Variants in PNPLA7 observed in about 807,000 individuals in gnomAD.
PNPLA7 encodes the protein patatin like domain 7, lysophospholipase, also known as patatin-like phospholipase domain-containing protein 7.
In PNPLA7, 153 loss-of-function variants were observed where a neutral mutation model predicts 161.7. That is an observed-to-expected ratio of 0.95 (90% CI 0.83 to 1.08). The LOEUF (loss-of-function observed/expected upper bound fraction) is 1.08, where lower values mean the gene tolerates loss of function less well. Among genes scored for constraint, PNPLA7 ranks in the 50% least tolerant of loss-of-function variants. The pLI, the probability that PNPLA7 is intolerant of heterozygous loss-of-function variation, is 0.00. For missense variants in PNPLA7, 1,739 were observed against 1,856.6 expected (o/e 0.94, Z 1.16); for synonymous variants, 809 against 782.1 (o/e 1.03, Z -0.57).
At chr9:137,464,538 T>C in intron 26 of PNPLA7, 82 bp from the exon 27 acceptor site, 5 of 1,270,712 alleles carry the variant, frequency 3.9e-6, no homozygotes, top group Non-Finnish European at 5.7e-6. Flanking sequence ...GCTGAGGGCC[T>C]CTCATGAATG....
In PNPLA7 at chr9:137,491,722, A is replaced by T; in HGVS notation, c.2197+1291T>A. On this transcript the variant is annotated intron_variant, in intron 20 of 34. Transcript: ENST00000406427. Reference sequence around the variant, plus strand: ...GCTGCCTCTGTGTGGCCCTCTGTGCATCCATCCGCTTCTTGGACAGACGTT... The same window carrying T: ...GCTGCCTCTGTGTGGCCCTCTGTGCTTCCATCCGCTTCTTGGACAGACGTT... The T allele has an allele frequency of 5.1e-6, 5 of 985,456 alleles. 1 individual carries two copies. The South Asian group carries it at 2.3e-4, about 46-fold the overall frequency. 61.0% of individuals were successfully genotyped at this position (985,456 alleles called of 1,614,324 possible). A position where few individuals can be genotyped will look rare whatever the true frequency, so the allele number is the denominator to read the frequency against.
intron 12 of PNPLA7, chr9:137,509,000 G>C (rs200234900): frequency 6.6e-6 from 1 of 152,408 alleles, no homozygotes; most frequent in African/African-American, 2.4e-5. Flanking sequence ...TCCACTGCAC[G>C]CCCACCAGAA....
chr9:137,496,976 TGGG>T (rs1833093074), intron 18 of PNPLA7, among the ~76,000 whole-genome samples: 1 of 152,138 alleles, frequency 6.6e-6, no homozygotes, highest in African/African-American at 2.4e-5. Flanking sequence ...AGGCAGAGCC[TGGG>T]GATCACAGCA....
In PNPLA7 at chr9:137,460,177, G is replaced by C; in HGVS notation, c.*216C>G. 2.0e-6 allele frequency: 1 copy of C among 501,822 alleles called. No individual in the cohort carries two copies. Among genetic ancestry groups the C allele is most frequent in the Non-Finnish European group, 3.6e-6 (1 of 277,430 alleles). 31.1% of individuals were successfully genotyped at this position (501,822 alleles called of 1,614,324 possible). ...GCTTCAGGGGCCTCACAGAGCTTCA[G>C]GGGCCTCACAGGACTGCAGGGGGGC... On this transcript the variant is annotated 3_prime_UTR_variant, in exon 35 of 35. Transcript: ENST00000406427.
rs182080821 is a variant in PNPLA7 at position 137,536,826 on chromosome 9, C to T, written c.747+3816G>A. Among the ~76,000 whole-genome samples the T allele has an allele frequency of 2.6e-4, 39 of 147,452 alleles. 1 individual carries two copies. In the East Asian group the frequency reaches 7.7e-3, roughly 29 times the overall value. On this transcript the variant is annotated intron_variant, in intron 8 of 34. Transcript: ENST00000406427. Reference sequence around the variant, plus strand: ...ACACTTCATCTCCCACGACAGGAAGCATGGGGGCCATCCTCCGAGCCACAC... The same window carrying T: ...ACACTTCATCTCCCACGACAGGAAGTATGGGGGCCATCCTCCGAGCCACAC...
chr9:137,541,129 T>C lies in PNPLA7; in HGVS notation c.667-407A>G, dbSNP rs1836179752. 2.0e-5 allele frequency among the ~76,000 whole-genome samples: 3 copies of C among 152,308 alleles called. No homozygotes were observed. In the South Asian group the frequency reaches 6.2e-4, roughly 32 times the overall value. On this transcript the variant is annotated intron_variant, in intron 7 of 34. Coordinates refer to ENST00000406427, the MANE Select transcript of PNPLA7 (RefSeq NM_001098537.3). The surrounding 1 kb of genome is among the most constrained non-coding windows in gnomAD (Gnocchi z 4.4). ...AAAAAAGAAAAGAAACCGCGCTATT[T>C]TGGTGATTTAACAAAGTAAGCACTT...
chr9:137,511,676 T>A (rs1834246488), intron 12 of PNPLA7, among the ~76,000 whole-genome samples: 1 of 152,168 alleles, frequency 6.6e-6, no homozygotes, highest in Non-Finnish European at 1.5e-5. Flanking sequence ...CTGCCCGCAG[T>A]CATTGGAGGC....
At chr9:137,503,362 C>G (rs959562468) in intron 14 of PNPLA7, among the ~76,000 whole-genome samples, 1 of 149,568 alleles carries the variant, frequency 6.7e-6, no homozygotes, top group African/African-American at 2.5e-5. Context: ...GGCTGGATGA[C>G]AAAGTGAGAC....
intron 14 of PNPLA7, among the ~76,000 whole-genome samples, chr9:137,503,665 G>T (rs1461893593): frequency 2.2e-5 from 3 of 137,086 alleles, no homozygotes; most frequent in African/African-American, 8.5e-5. Flanking sequence ...AAGGAGAAGG[G>T]GAAGGAAGAA....
At chr9:137,496,668 G>A (rs1278940571) in intron 18 of PNPLA7, among the ~76,000 whole-genome samples, 2 of 152,090 alleles carry the variant, frequency 1.3e-5, no homozygotes, top group South Asian at 2.1e-4. Flanking sequence ...TTGAGATCGC[G>A]CCACTGCACT....
chr9:137,502,428 C>T (rs964496875), intron 14 of PNPLA7, among the ~76,000 whole-genome samples: 1 of 151,114 alleles, frequency 6.6e-6, no homozygotes, highest in African/African-American at 2.4e-5. Flanking sequence ...AGGCAGCTCC[C>T]CCCCAAAAGA....
chr9:137,468,187 G>A lies in PNPLA7; in HGVS notation c.2883-714C>T, dbSNP rs1013407007. Among the ~76,000 whole-genome samples, 2 of 151,716 alleles carry A rather than the reference G, an allele frequency of 1.3e-5. No individual in the cohort carries two copies. Among genetic ancestry groups the A allele is most frequent in the African/African-American group, 2.4e-5 (1 of 41,282 alleles). ...ACCCATGAGACCAGGGAGCACCCCC[G>A]AGACCAGGGGGCACCCCCGAGACCA... is the stretch of plus-strand genomic sequence containing the variant. On this transcript the variant is annotated intron_variant, in intron 25 of 34. Transcript: ENST00000406427. This position sits in a 1 kb window ranked among gnomAD's most constrained non-coding sequence, Gnocchi z 4.0.
intron 12 of PNPLA7, 125 bp from the exon 13 acceptor site, chr9:137,506,208 G>C (rs2132350643): frequency 1.4e-6 from 1 of 710,364 alleles, no homozygotes; most frequent in East Asian, 2.7e-5. Context: ...GAGGGAGTCG[G>C]GCCCTGAGAT....
rs77163294 is a variant in PNPLA7, at chr9:137,543,858, G to A, written c.274-43C>T. ...AGACCAGCCACTGACCCTGCAAGCC[G>A]CAAGGTCCAAGCTCTTTGCCATGGG... On this transcript the variant is annotated intron_variant, in intron 4 of 34. Transcript: ENST00000406427. The surrounding 1 kb of genome is among the most constrained non-coding windows in gnomAD (Gnocchi z 6.9). 1,127 of 1,540,266 alleles carry A rather than the reference G, an allele frequency of 7.3e-4. 5 individuals are homozygous for A. In the African/African-American group the frequency reaches 0.012, roughly 16 times the overall value.
rs1421031052 is a variant in PNPLA7 at position 137,542,648 on chromosome 9, C to T, written c.660G>A (p.Gln220=). The change falls in exon 7 of 35, where the codon CAG becomes CAA. Residue 220 remains glutamine (Q), a synonymous_variant. Transcript: ENST00000406427. ...CCGCCGCCCTGCGACTCACAGTGTC[C>T]TGGATGCAGACCTCCAGCCGCCCGT... ...VQDGRLEVCI[Q]DTDGTEVVVK... 1.2e-6 allele frequency: 2 copies of T among 1,606,062 alleles called. No individual in the cohort carries two copies. Among genetic ancestry groups the T allele is most frequent in the East Asian group, 2.2e-5 (1 of 44,624 alleles).
At chr9:137,496,509 G>T (rs552128837) in intron 18 of PNPLA7, among the ~76,000 whole-genome samples, 1 of 151,828 alleles carries the variant, frequency 6.6e-6, no homozygotes, top group South Asian at 2.1e-4. Context: ...GTCGGGAGTT[G>T]GAGACCAGCC....
intron 25 of PNPLA7, among the ~76,000 whole-genome samples, chr9:137,477,124 C>A (rs1219779273): frequency 6.6e-6 from 1 of 152,244 alleles, no homozygotes; most frequent in Non-Finnish European, 1.5e-5. Context: ...GTCCTCCCTT[C>A]CTTTGGGGGC....
chr9:137,541,531 T>G lies in PNPLA7; in HGVS notation c.667-809A>C. The G allele has an allele frequency of 2.0e-6, 2 of 981,650 alleles. No individual in the cohort carries two copies. Among genetic ancestry groups the G allele is most frequent in the African/African-American group, 1.7e-5 (1 of 57,292 alleles). The allele number at this position is 981,650 out of a possible 1,614,324, so 60.8% of individuals were successfully genotyped here. A position where few individuals can be genotyped will look rare whatever the true frequency, so the allele number is the denominator to read the frequency against. ...CCGGGACCACAGCTGGCAGGAGCCC[T>G]GCAGGTCAGGGTGATGATCACACAA... On this transcript the variant is annotated intron_variant, in intron 7 of 34. Coordinates refer to ENST00000406427, the MANE Select transcript of PNPLA7 (RefSeq NM_001098537.3). The surrounding 1 kb of genome is among the most constrained non-coding windows in gnomAD (Gnocchi z 4.4).
intron 14 of PNPLA7, among the ~76,000 whole-genome samples, chr9:137,504,607 A>G (rs2132337261): frequency 6.6e-6 from 1 of 152,350 alleles, no homozygotes; most frequent in African/African-American, 2.4e-5. Flanking sequence ...AGAACCACTC[A>G]TGACACAGTC....
Sources: allele counts gnomAD v4.1 joint callset (sites outside exome capture counted in the v4.1 genomes callset), GRCh38; gene constraint gnomAD v4.1.1; non-coding constraint Gnocchi (gnomAD v3.1); transcripts MANE v1.5; gene names NCBI Gene and HGNC (gene_info 2026-07-23, HGNC 2026-07-21).